Variants in KPNB1 observed in about 807,000 individuals in gnomAD.
KPNB1 encodes importin subunit beta-1.
A neutral mutation model predicts 113.0 loss-of-function variants in KPNB1; 7 were observed. The ratio of observed to expected loss-of-function variants is 0.06; its 90% confidence interval spans 0.04 to 0.12. The LOEUF is 0.12. Among genes scored for constraint, KPNB1 ranks in the 10% least tolerant of loss-of-function variants. The pLI is 1.00. For synonymous variants in KPNB1, 363 were observed against 378.6 expected (o/e 0.96, Z 0.48); for missense variants, 400 against 1,054.8 (o/e 0.38, Z 8.60).
At position 47,682,674 on chromosome 17, in the gene KPNB1, C is replaced by T; in HGVS notation, c.*270C>T. On this transcript the variant is annotated 3_prime_UTR_variant, in exon 22 of 22. Transcript: ENST00000290158. The stretch of plus-strand genomic sequence containing the variant: ...GGAAAAGAGAAAAACAATGGAGTTA[C>T]TTATTTAAAAAAAAAGAAAGAAAGT... The T allele has an allele frequency of 2.0e-6, 1 of 504,590 alleles. No individual in the cohort carries two copies. Among genetic ancestry groups the T allele is most frequent in the Non-Finnish European group, 3.5e-6 (1 of 285,450 alleles). The allele number at this position is 504,590 out of a possible 1,614,324, so 31.3% of individuals were successfully genotyped here.
At chr17:47,675,961 C>G (rs1764051602) in intron 15 of KPNB1, among the ~76,000 whole-genome samples, 1 of 152,184 alleles carries the variant, frequency 6.6e-6, no homozygotes, top group South Asian at 2.1e-4. Flanking sequence ...GGATCTGAAG[C>G]CCAGTGCTGC....
At chr17:47,676,333 G>T in intron 15 of KPNB1, 76 bp from the exon 16 acceptor site, 1 of 1,012,456 alleles carries the variant, frequency 9.9e-7, no homozygotes. Flanking sequence ...TTTGGGAGAG[G>T]TAGGATGGGT....
In KPNB1 at chr17:47,658,619, C is replaced by T. The variant is rs1323464444; in HGVS notation, c.595C>T (p.Leu199=). The T allele has an allele frequency of 6.2e-7, 1 of 1,613,798 alleles. No individual in the cohort carries two copies. Among genetic ancestry groups the T allele is most frequent in the African/African-American group, 1.3e-5 (1 of 74,920 alleles). ...GAAGCTAGCTGCTACGAATGCACTC[C>T]TGAACTCATTGGAGTTCACCAAAGC... ...NVKLAATNAL[L]NSLEFTKANF... Residue 199 remains leucine (L), a synonymous_variant, in exon 5 of 22, where the codon CTG becomes TTG. Transcript: ENST00000290158.
chr17:47,673,578 T>A lies in KPNB1; in HGVS notation c.1767+17T>A, dbSNP rs780032580. On this transcript the variant is annotated intron_variant, in intron 14 of 21. Coordinates refer to ENST00000290158, the MANE Select transcript of KPNB1 (RefSeq NM_002265.6). ...ACTCTTCAGGTATGGTGGTGCCTTA[T>A]GACTTAATAACTCCAGGTTGGAGAA... 1 of 1,580,364 alleles carries A rather than the reference T, an allele frequency of 6.3e-7. No individual in the cohort carries two copies. The highest frequency in any genetic ancestry group is 8.7e-7 in the Non-Finnish European group (1 of 1,149,426).
rs1915478544 is a variant in KPNB1, at chr17:47,650,005, C to T, written c.-240C>T. ...GAGCACCAGCGCGCTCTGAGCTGCC[C>T]CCAGGGTCCCTCCCCCGCCGCCAGC... On this transcript the variant is annotated 5_prime_UTR_variant, in exon 1 of 22. Coordinates refer to ENST00000290158, the MANE Select transcript of KPNB1 (RefSeq NM_002265.6). The T allele has an allele frequency of 7.3e-7, 1 of 1,367,482 alleles. No individual in the cohort carries two copies. The highest frequency in any genetic ancestry group is 1.5e-5 in the African/African-American group (1 of 66,266). The allele number at this position is 1,367,482 out of a possible 1,614,324, so 84.7% of individuals were successfully genotyped here. A position where few individuals can be genotyped will look rare whatever the true frequency, so the allele number is the denominator to read the frequency against.
rs752049209 is a variant in KPNB1 at position 47,673,510 on chromosome 17, C to T, written c.1716C>T (p.Ser572=). The stretch of plus-strand genomic sequence containing the variant: ...TGTAGTCACATATCCAGAGCACATC[C>T]GATAGAATCCAGTTCAATGACCTTC... ...LQMESHIQST[S]DRIQFNDLQS... is the part of the protein sequence containing the mutation. The change falls in exon 14 of 22, where the codon TCC becomes TCT. Residue 572 remains serine, a synonymous_variant. Transcript: ENST00000290158. 52 of 1,613,252 alleles carry T rather than the reference C, an allele frequency of 3.2e-5. No homozygotes were observed. In the South Asian group the frequency reaches 4.7e-4, roughly 15 times the overall value.
rs912926400 is a variant in KPNB1 at position 47,673,472 on chromosome 17, T to G, written c.1696-18T>G. 2 of 1,600,054 alleles carry G rather than the reference T, an allele frequency of 1.2e-6. No individual in the cohort carries two copies. The highest frequency in any genetic ancestry group is 3.3e-5 in the Admixed American group (2 of 59,982). On this transcript the variant is annotated intron_variant, in intron 13 of 21. Transcript: ENST00000290158. ...GGAAGGTTTTCATGTAGAGTATGTT[T>G]TCTTATTTTCTTTGTAGTCACATAT...
chr17:47,666,777 C>T (rs976883782), intron 9 of KPNB1, among the ~76,000 whole-genome samples: 21 of 151,672 alleles, frequency 1.4e-4, no homozygotes, highest in African/African-American at 4.8e-4. Flanking sequence ...CACCACCACG[C>T]CTAGCTAATT....
chr17:47,650,917 C>T (rs1378269403), intron 2 of KPNB1, among the ~76,000 whole-genome samples: 1 of 152,212 alleles, frequency 6.6e-6, no homozygotes, highest in Non-Finnish European at 1.5e-5. Flanking sequence ...AGAGCTCTGC[C>T]CTTTCCTAGC....
chr17:47,670,408 G>A (rs2030410880), intron 11 of KPNB1: 2 of 262,960 alleles, frequency 7.6e-6, no homozygotes, highest in African/African-American at 2.2e-5. Flanking sequence ...GATGAGAGAT[G>A]TCAGATTATC....
At chr17:47,678,884 A>G (rs1409006134) in intron 19 of KPNB1, among the ~76,000 whole-genome samples, 1 of 152,164 alleles carries the variant, frequency 6.6e-6, no homozygotes, top group Non-Finnish European at 1.5e-5. Flanking sequence ...CTGGGATTAC[A>G]GGCTTGAGCC....
At position 47,650,421 on chromosome 17, in the gene KPNB1, G is replaced by C. The variant is rs766999233; in HGVS notation, c.76G>C (p.Glu26Gln). ...LELEAAQKFL[E>Q]RAAVENLPTF... ...GCTGGAAGCGGCGCAGAAGTTCCTGGAGCGTGCGGCCGTGGAGAACCTGGT... is the reference window on the plus strand; with the variant it reads ...GCTGGAAGCGGCGCAGAAGTTCCTGCAGCGTGCGGCCGTGGAGAACCTGGT... The change falls in exon 2 of 22, where the codon GAG (glutamate) becomes CAG (glutamine). Residue 26 changes from glutamate to glutamine, a missense_variant. Around this residue, in one of 2 missense-constraint regions of KPNB1, gnomAD observed 285 missense variants for 627.0 expected, o/e 0.45. Transcript: ENST00000290158. 6.2e-7 allele frequency: 1 copy of C among 1,608,894 alleles called. No individual in the cohort carries two copies. Among genetic ancestry groups the C allele is most frequent in the Non-Finnish European group, 8.5e-7 (1 of 1,178,678 alleles).
At chr17:47,679,493 T>C (rs1383559021) in intron 19 of KPNB1, among the ~76,000 whole-genome samples, 2 of 152,204 alleles carry the variant, frequency 1.3e-5, no homozygotes, top group African/African-American at 2.4e-5. Flanking sequence ...TCTTCTATAT[T>C]TGCCTATAGG....
At chr17:47,680,411 A>G in intron 20 of KPNB1, 97 bp from the exon 21 acceptor site, 2 of 1,382,574 alleles carry the variant, frequency 1.4e-6, no homozygotes, top group Non-Finnish European at 9.9e-7. Context: ...TATCTTTGAA[A>G]TTTGCTAAGA....
At chr17:47,664,816 G>A (rs941444462) in intron 8 of KPNB1, among the ~76,000 whole-genome samples, 3 of 152,130 alleles carry the variant, frequency 2.0e-5, no homozygotes, top group Non-Finnish European at 2.9e-5. Context: ...TTGTCCATAT[G>A]AATTGAACTT....
intron 20 of KPNB1, 126 bp from the exon 21 acceptor site, chr17:47,680,382 C>A: frequency 9.1e-7 from 1 of 1,104,126 alleles, no homozygotes. Flanking sequence ...GTCTAGTGAC[C>A]TCTACTGAGG....
At chr17:47,655,601 A>C (rs955299549) in intron 3 of KPNB1, among the ~76,000 whole-genome samples, 1 of 152,226 alleles carries the variant, frequency 6.6e-6, no homozygotes, top group Non-Finnish European at 1.5e-5. Flanking sequence ...CCCACGTCTC[A>C]TGAGTAAGAT....
Position 47,684,121 on chromosome 17 carries a change from C to T in KPNB1, c.*1717C>T, listed in dbSNP as rs2030875738. The stretch of plus-strand genomic sequence containing the variant: ...TCCTTAGAGGACTAAAAACAAGACC[C>T]TCATTCCCACTTTCATTTCCACTCT... On this transcript the variant is annotated 3_prime_UTR_variant, in exon 22 of 22. Transcript: ENST00000290158. The T allele has an allele frequency of 6.6e-6, 1 of 152,114 alleles. No individual in the cohort carries two copies. The highest frequency in any genetic ancestry group is 1.5e-5 in the Non-Finnish European group (1 of 68,022). The allele number at this position is 152,114 out of a possible 1,614,324, so 9.4% of individuals were successfully genotyped here.
rs1484866718 is a variant in KPNB1, at chr17:47,660,513, GTA to G, written c.637-600_637-599del. Among the ~76,000 whole-genome samples, 9 of 152,264 alleles carry G rather than the reference GTA, an allele frequency of 5.9e-5. No individual in the cohort carries two copies. In the East Asian group the frequency reaches 9.6e-4, roughly 16 times the overall value. On this transcript the variant is annotated intron_variant, in intron 5 of 21. Transcript: ENST00000290158. ...AGGGTCATGGTCTGAAAGTATTTCT[GTA>G]TATATGTTTGTTGACACTTCAGCTG... is the stretch of plus-strand genomic sequence containing the variant.
Sources: gnomAD v4.1 joint callset for allele counts (sites outside exome capture counted in the v4.1 genomes callset) on GRCh38, gnomAD v4.1.1 for gene constraint, gnomAD v4.1.1 regional missense constraint, MANE v1.5 for transcripts, NCBI Gene and HGNC (gene_info 2026-07-23, HGNC 2026-07-21) for gene names.